VTCN1: variants seen among roughly 807,000 people sequenced by gnomAD.
The protein encoded by VTCN1 is V-set domain-containing T-cell activation inhibitor 1.
A neutral mutation model predicts 26.5 loss-of-function variants in VTCN1; 26 were observed. The ratio of observed to expected loss-of-function variants is 0.98; its 90% CI spans 0.72 to 1.36. VTCN1 has a LOEUF of 1.36. VTCN1 is among the 40% of genes most tolerant of loss of function. The pLI is 0.00. For missense variants in VTCN1, 298 were observed against 337.7 expected (o/e 0.88, Z 0.92); for synonymous variants, 116 against 130.7 (o/e 0.89, Z 0.77).
chr1:117,196,300 G>A (rs892521422), intron 1 of VTCN1, among the ~76,000 whole-genome samples: 3 of 151,606 alleles, frequency 2.0e-5, no homozygotes, highest in Non-Finnish European at 4.4e-5. Flanking sequence ...TATTATAGAA[G>A]AAGATTTATT....
chr1:117,190,893 GA>G, intron 1 of VTCN1, among the ~76,000 whole-genome samples: 1 of 152,270 alleles, frequency 6.6e-6, no homozygotes, highest in Admixed American at 6.5e-5. Context: ...CACCACCAAA[GA>G]AACTAGTAAA....
chr1:117,194,899 G>C (rs1284026082), intron 1 of VTCN1, among the ~76,000 whole-genome samples: 1 of 152,086 alleles, frequency 6.6e-6, no homozygotes, highest in African/African-American at 2.4e-5. Flanking sequence ...TTAGTCAAAG[G>C]GTACAAATTT....
Position 117,153,227 on chromosome 1 carries a change from A to T in VTCN1, c.588T>A (p.Asn196Lys), listed in dbSNP as rs1234525145. 1.9e-6 allele frequency: 3 copies of T among 1,614,098 alleles called. No homozygotes were observed. In the African/African-American group the frequency reaches 4.0e-5, roughly 22 times the overall value. ...TCTCAGAGTTCAGCTCAAAGCTGGT[A>T]TTGGAGACTTCCGAGAAGTTGGCTC... The part of the protein sequence containing the change: ...DQGANFSEVS[N>K]TSFELNSENV... Residue 196 changes from asparagine (N) to lysine (K), a missense_variant, in exon 4 of 6, where the codon AAT becomes AAA. Transcript: ENST00000369458.
intron 2 of VTCN1, among the ~76,000 whole-genome samples, chr1:117,157,438 T>A (rs564059638): frequency 3.9e-5 from 6 of 152,218 alleles, no homozygotes; most frequent in East Asian, 1.9e-4. Flanking sequence ...AGGCACTTCT[T>A]ACATGGTGGT....
chr1:117,178,250 C>CTT (rs71096901), intron 1 of VTCN1, among the ~76,000 whole-genome samples: 9 of 142,230 alleles, frequency 6.3e-5, no homozygotes, highest in South Asian at 2.2e-4. Flanking sequence ...TTCTTTCTTT[C>CTT]TTTTTTTTCT....
chr1:117,210,851 G>T lies in VTCN1; in HGVS notation c.5C>A (p.Ala2Asp). 6.2e-7 allele frequency: 1 copy of T among 1,614,152 alleles called. No individual in the cohort carries two copies. The highest frequency in any genetic ancestry group is 8.5e-7 in the Non-Finnish European group (1 of 1,179,984). ...CCAGAAGAGGATCTGCCCCAGGGAA[G>T]CCATGGCTGGGGAAGGTTCCCAGCG... M[A>D]SLGQILFWSI... Residue 2 changes from alanine to aspartate, a missense_variant, in exon 1 of 6, where the codon GCT becomes GAT. Transcript: ENST00000369458.
intron 3 of VTCN1, 120 bp downstream of exon 3, chr1:117,156,454 T>G: frequency 8.8e-7 from 1 of 1,130,814 alleles, no homozygotes; most frequent in South Asian, 1.7e-5. Flanking sequence ...AAACAGCTGT[T>G]AGCAGAATTG....
In VTCN1 at chr1:117,170,176, G is replaced by C; in HGVS notation, c.33-5C>G. On this transcript the variant is annotated splice_region_variant and splice_polypyrimidine_tract_variant and intron_variant, in intron 1 of 5. Coordinates refer to ENST00000369458, the MANE Select transcript of VTCN1 (RefSeq NM_024626.4). Reference sequence around the variant, plus strand: ...ATAATGATGATGCTAATTATGCTACGGGAAGAGAGAGAGAAACAGAAAATT... The same window carrying C: ...ATAATGATGATGCTAATTATGCTACCGGAAGAGAGAGAGAAACAGAAAATT... 1 of 1,613,232 alleles carries C rather than the reference G, an allele frequency of 6.2e-7. No individual in the cohort carries two copies. The highest frequency in any genetic ancestry group is 1.1e-5 in the South Asian group (1 of 91,056).
At chr1:117,157,637 G>C (rs1308498745) in intron 2 of VTCN1, among the ~76,000 whole-genome samples, 1 of 152,032 alleles carries the variant, frequency 6.6e-6, no homozygotes, top group African/African-American at 2.4e-5. Context: ...GATTTGGGTG[G>C]GGACACAGCC....
At chr1:117,188,678 T>G (rs1648087753) in intron 1 of VTCN1, among the ~76,000 whole-genome samples, 2 of 152,228 alleles carry the variant, frequency 1.3e-5, no homozygotes, top group African/African-American at 2.4e-5. Context: ...CATCTGATTT[T>G]GGGACATATT....
intron 4 of VTCN1, among the ~76,000 whole-genome samples, chr1:117,150,749 T>C (rs567950269): frequency 1.3e-5 from 2 of 152,320 alleles, no homozygotes; most frequent in South Asian, 2.1e-4. Flanking sequence ...TGAAACTCTA[T>C]ACTCATTAAA....
chr1:117,203,760 T>C (rs184137893), intron 1 of VTCN1: 1 of 985,422 alleles, frequency 1.0e-6, no homozygotes, highest in East Asian at 1.1e-4. Flanking sequence ...TGTGCTTTTC[T>C]GGAGGAATCA....
At chr1:117,199,193 T>C (rs1362065128) in intron 1 of VTCN1, among the ~76,000 whole-genome samples, 3 of 137,646 alleles carry the variant, frequency 2.2e-5, no homozygotes, top group African/African-American at 7.9e-5. Flanking sequence ...GATTACATTT[T>C]CATAATGTTG....
At chr1:117,193,006 C>T (rs1648321205) in intron 1 of VTCN1, among the ~76,000 whole-genome samples, 1 of 151,952 alleles carries the variant, frequency 6.6e-6, no homozygotes, top group East Asian at 1.9e-4. Context: ...ACAGCAATAA[C>T]AATGGAAATA....
At position 117,175,086 on chromosome 1, in the gene VTCN1, A is replaced by AGCT. The variant is rs137860097; in HGVS notation, c.33-4918_33-4916dup. Among the ~76,000 whole-genome samples, 5,160 of 152,252 alleles carry AGCT rather than the reference A, an allele frequency of 0.034. 287 individuals are homozygous for AGCT. The highest frequency in any genetic ancestry group is 0.12 in the African/African-American group (4,861 of 41,522). ...TTCGATTCCCTCACATGCCTGCTTC[A>AGCT]GCTGCTGCTGCCTTCTGCAGCATGT... On this transcript the variant is annotated intron_variant, in intron 1 of 5. Transcript: ENST00000369458. This position sits in a 1 kb window ranked among gnomAD's most constrained non-coding sequence, Gnocchi z 4.2.
intron 1 of VTCN1, among the ~76,000 whole-genome samples, chr1:117,189,907 G>T (rs1349150378): frequency 2.0e-5 from 1 of 51,040 alleles, no homozygotes; most frequent in Non-Finnish European, 3.6e-5. Context: ...TGAAGCCCAA[G>T]ACCAAGGTAG....
At chr1:117,172,006 G>A (rs921062465) in intron 1 of VTCN1, among the ~76,000 whole-genome samples, 3 of 152,148 alleles carry the variant, frequency 2.0e-5, no homozygotes, top group African/African-American at 7.2e-5. Context: ...GGTCAAAGTG[G>A]TTCCTGGGAA....
chr1:117,178,751 G>A (rs4659166), intron 1 of VTCN1, among the ~76,000 whole-genome samples: 75,342 of 151,222 alleles, frequency 0.5, 21,685 homozygotes, highest in East Asian at 0.84. Flanking sequence ...GTGCCACGAC[G>A]CTCAGCTAAT....
intron 4 of VTCN1, among the ~76,000 whole-genome samples, chr1:117,151,483 G>T (rs528361201): frequency 6.6e-6 from 1 of 152,136 alleles, no homozygotes; most frequent in Non-Finnish European, 1.5e-5. Context: ...TGCTGCTGCT[G>T]GCTCCAGTGG....
Sources: gnomAD v4.1 joint callset for allele counts (sites outside exome capture counted in the v4.1 genomes callset) on GRCh38, gnomAD v4.1.1 for gene constraint, Gnocchi (gnomAD v3.1) non-coding constraint, MANE v1.5 for transcripts, NCBI Gene and HGNC (gene_info 2026-07-23, HGNC 2026-07-21) for gene names.